The following RNGTT variants were observed in gnomAD, a reference collection of about 807,000 sequenced individuals.
RNGTT encodes RNA guanylyltransferase and 5'-phosphatase.
In RNGTT, 33 loss-of-function variants were observed where a neutral mutation model predicts 79.3. The observed-to-expected ratio is 0.42, with a 90% CI of 0.32 to 0.56. The LOEUF (loss-of-function observed/expected upper bound fraction) is 0.56. Ranked by LOEUF, RNGTT falls within the 20% of genes least tolerant of loss-of-function variation. RNGTT has a pLI of 0.17. For missense variants in RNGTT, 497 were observed against 739.1 expected (o/e 0.67, Z 3.80); for synonymous variants, 222 against 235.9 (o/e 0.94, Z 0.54).
chr6:88,853,930 T>A (rs1454614383), intron 8 of RNGTT, among the ~76,000 whole-genome samples, 166 bp from the exon 9 acceptor site: 1 of 151,726 alleles, frequency 6.6e-6, no homozygotes, highest in Non-Finnish European at 1.5e-5. Flanking sequence ...AATTTTTTTT[T>A]TTTTTTTGGA....
At chr6:88,741,935 C>T (rs565813205) in intron 13 of RNGTT, among the ~76,000 whole-genome samples, 1 of 152,208 alleles carries the variant, frequency 6.6e-6, no homozygotes, top group South Asian at 2.1e-4. Context: ...TTAGTAGGAT[C>T]GTGTGTTCTT....
chr6:88,788,667 C>T (rs1779308117), intron 12 of RNGTT, among the ~76,000 whole-genome samples: 1 of 152,290 alleles, frequency 6.6e-6, no homozygotes, highest in South Asian at 2.1e-4. Context: ...CCTATCCCTC[C>T]ATGCAGTCAC....
intron 1 of RNGTT, among the ~76,000 whole-genome samples, chr6:88,954,083 G>C (rs1022663254): frequency 1.3e-5 from 2 of 152,042 alleles, no homozygotes; most frequent in Non-Finnish European, 2.9e-5. Context: ...TTTAAAAAAA[G>C]GTATTTAGGC....
intron 13 of RNGTT, among the ~76,000 whole-genome samples, chr6:88,763,787 G>A (rs1484584931): frequency 6.6e-6 from 1 of 152,158 alleles, no homozygotes; most frequent in Admixed American, 6.5e-5. Context: ...CTTCTCCAAG[G>A]TGTCAGAGAC....
chr6:88,689,073 A>G (rs1775382105), intron 13 of RNGTT, among the ~76,000 whole-genome samples: 1 of 152,170 alleles, frequency 6.6e-6, no homozygotes, highest in African/African-American at 2.4e-5. Context: ...GGGGGAGTCA[A>G]AAATTATATG....
chr6:88,791,757 T>G (rs945457796), intron 12 of RNGTT, among the ~76,000 whole-genome samples: 7 of 152,148 alleles, frequency 4.6e-5, no homozygotes, highest in Admixed American at 3.9e-4. Flanking sequence ...GCCAGGATGG[T>G]CTCGATCTCC....
intron 13 of RNGTT, among the ~76,000 whole-genome samples, chr6:88,735,565 GT>G (rs893231901): frequency 7.9e-6 from 1 of 126,344 alleles, no homozygotes; most frequent in Non-Finnish European, 1.7e-5. Flanking sequence ...TAACACGAGT[GT>G]TAAAAAAAAA....
chr6:88,823,278 AAAAATTAGC>A (rs1780552693), intron 11 of RNGTT, among the ~76,000 whole-genome samples: 1 of 151,948 alleles, frequency 6.6e-6, no homozygotes, highest in African/African-American at 2.4e-5. Context: ...TAAAAATACA[AAAAATTAGC>A]TGGGCGTGGT....
intron 12 of RNGTT, among the ~76,000 whole-genome samples, chr6:88,775,359 C>G (rs546304670): frequency 6.6e-6 from 1 of 152,106 alleles, no homozygotes; most frequent in East Asian, 1.9e-4. Context: ...TACGTAACTG[C>G]AAATTTGTGC....
chr6:88,762,817 G>C (rs4707499), intron 13 of RNGTT, among the ~76,000 whole-genome samples: 1 of 152,232 alleles, frequency 6.6e-6, no homozygotes, highest in Non-Finnish European at 1.5e-5. Flanking sequence ...AACAGAGAGA[G>C]AACCTGAGTA....
intron 13 of RNGTT, among the ~76,000 whole-genome samples, chr6:88,738,150 T>A (rs1483658332): frequency 6.6e-6 from 1 of 152,174 alleles, no homozygotes; most frequent in African/African-American, 2.4e-5. Context: ...AAATCGCACT[T>A]CATCTGTGAT....
At chr6:88,717,515 C>G (rs899885923) in intron 13 of RNGTT, among the ~76,000 whole-genome samples, 1 of 152,128 alleles carries the variant, frequency 6.6e-6, no homozygotes, top group Non-Finnish European at 1.5e-5. Flanking sequence ...ATTATATGTT[C>G]CTGCAAAACT....
intron 9 of RNGTT, among the ~76,000 whole-genome samples, chr6:88,852,260 T>C (rs1432200878): frequency 6.6e-6 from 1 of 152,144 alleles, no homozygotes; most frequent in African/African-American, 2.4e-5. Context: ...ATACCCGTAC[T>C]CTTGGTATAG....
At chr6:88,882,287 T>C (rs1487900999) in intron 8 of RNGTT, among the ~76,000 whole-genome samples, 2 of 152,240 alleles carry the variant, frequency 1.3e-5, no homozygotes, top group Admixed American at 6.5e-5. Context: ...CTATGAGATA[T>C]GTGCTGAAGC....
chr6:88,718,357 G>A (rs113023002), intron 13 of RNGTT, among the ~76,000 whole-genome samples: 11 of 150,686 alleles, frequency 7.3e-5, no homozygotes, highest in South Asian at 4.2e-4. Flanking sequence ...ACTGCACTCC[G>A]GCCTAGGCAA....
intron 14 of RNGTT, among the ~76,000 whole-genome samples, chr6:88,653,244 C>A (rs1044262999): frequency 6.6e-6 from 1 of 152,094 alleles, no homozygotes; most frequent in East Asian, 1.9e-4. Context: ...ATTGCATTTC[C>A]TTTTTTGGAA....
At chr6:88,660,266 A>G (rs1347015550) in intron 14 of RNGTT, among the ~76,000 whole-genome samples, 1 of 152,212 alleles carries the variant, frequency 6.6e-6, no homozygotes, top group Non-Finnish European at 1.5e-5. Flanking sequence ...GTATTCAGGC[A>G]ACAACTAGCA....
chr6:88,781,134 G>C (rs1779050511), intron 12 of RNGTT, among the ~76,000 whole-genome samples: 1 of 152,144 alleles, frequency 6.6e-6, no homozygotes, highest in East Asian at 1.9e-4. Flanking sequence ...ATTAGTAACG[G>C]CAAAGGAGCA....
intron 8 of RNGTT, among the ~76,000 whole-genome samples, chr6:88,860,005 C>T (rs1273701217): frequency 6.6e-6 from 1 of 152,192 alleles, no homozygotes; most frequent in African/African-American, 2.4e-5. Flanking sequence ...GACATAATCT[C>T]ACCTGCATTT....
Sources: allele counts gnomAD v4.1 joint callset (sites outside exome capture counted in the v4.1 genomes callset), GRCh38; gene constraint gnomAD v4.1.1; transcripts MANE v1.5; gene names NCBI Gene and HGNC (gene_info 2026-07-23, HGNC 2026-07-21).